CDYL2: variants seen among roughly 807,000 people sequenced by gnomAD.
CDYL2 encodes chromodomain Y-like protein 2.
CDYL2 carries 23 observed loss-of-function variants against 49.4 expected under a neutral mutation model. The observed-to-expected ratio is 0.47, with a 90% CI of 0.34 to 0.66. The LOEUF (loss-of-function observed/expected upper bound fraction) is 0.66. CDYL2 is among the 30% of genes least tolerant of loss of function. The pLI is 0.01. For synonymous variants in CDYL2, 360 were observed against 268.8 expected, an observed-to-expected ratio of 1.34 and a Z score of -3.32; for missense variants, 678 against 656.4, an observed-to-expected ratio of 1.03 and a Z score of -0.36.
In CDYL2 at chr16:80,685,821, C is replaced by G. The variant is rs376766842; in HGVS notation, c.25-692G>C. 2.6e-3 allele frequency among the ~76,000 whole-genome samples: 394 copies of G among 152,298 alleles called. 1 individual carries two copies. Among genetic ancestry groups the G allele is most frequent in the African/African-American group, 9.1e-3 (378 of 41,550 alleles). On this transcript the variant is annotated intron_variant, in intron 1 of 6. Coordinates refer to ENST00000570137, the MANE Select transcript of CDYL2 (RefSeq NM_152342.4). ...GAACTGGGGTTTGAACCACTCTCAC[C>G]TCAGACTTATTCTCTTACTCACTAG...
In CDYL2 at chr16:80,612,717, T is replaced by C. The variant is rs1481627142; in HGVS notation, c.1127A>G (p.Lys376Arg). Residue 376 changes from lysine (K) to arginine (R), a missense_variant, in exon 5 of 7, where the codon AAG becomes AGG. Physicochemically the swap from Lys to Arg is conservative, Grantham distance 26. Coordinates refer to ENST00000570137, the MANE Select transcript of CDYL2 (RefSeq NM_152342.4). This position sits in a 1 kb window ranked among gnomAD's most constrained non-coding sequence, Gnocchi z 5.0. ...PLCDIVWASE[K>R]AWFQTPYATI... The stretch of plus-strand genomic sequence containing the variant: ...GGCGTAGGGCGTCTGGAACCAGGCC[T>C]TCTCACTGGCCCACACGATGTCACA... 3.0e-5 allele frequency: 49 copies of C among 1,613,404 alleles called. No homozygotes were observed. Among genetic ancestry groups the C allele is most frequent in the Non-Finnish European group, 4.2e-5 (49 of 1,179,954 alleles).
chr16:80,768,151 A>G (rs13337161), intron 1 of CDYL2, among the ~76,000 whole-genome samples: 50,268 of 152,026 alleles, frequency 0.33, 10,287 homozygotes, highest in African/African-American at 0.58. Context: ...TTCACAGCCC[A>G]TGTTCTTAGT....
intron 1 of CDYL2, among the ~76,000 whole-genome samples, chr16:80,753,260 TA>T (rs548372995): frequency 0.051 from 7,079 of 139,844 alleles, 440 homozygotes; most frequent in African/African-American, 0.15. Context: ...ATTCCCAACT[TA>T]AAAAAAAAAA....
intron 2 of CDYL2, among the ~76,000 whole-genome samples, chr16:80,675,750 G>C (rs1909718347): frequency 6.6e-6 from 1 of 151,938 alleles, no homozygotes; most frequent in South Asian, 2.1e-4. Flanking sequence ...ACCGACATTA[G>C]GAGGTGAAGT....
intron 2 of CDYL2, among the ~76,000 whole-genome samples, chr16:80,680,209 C>T (rs574123620): frequency 7.9e-5 from 12 of 152,108 alleles, no homozygotes; most frequent in Non-Finnish European, 1.6e-4. Flanking sequence ...TGGAATGACT[C>T]GTTCAATGGT....
intron 3 of CDYL2, among the ~76,000 whole-genome samples, chr16:80,628,993 C>T (rs1907429256): frequency 6.6e-6 from 1 of 152,088 alleles, no homozygotes; most frequent in Non-Finnish European, 1.5e-5. Flanking sequence ...CCGTTCCAGT[C>T]AGAGCACATA....
intron 1 of CDYL2, among the ~76,000 whole-genome samples, chr16:80,774,542 T>A (rs568331693): frequency 6.6e-6 from 1 of 152,210 alleles, no homozygotes; most frequent in Non-Finnish European, 1.5e-5. Context: ...CTAAAATAGA[T>A]CTTTAATGTT....
chr16:80,605,227 T>C (rs1906277066), intron 6 of CDYL2, among the ~76,000 whole-genome samples: 1 of 151,440 alleles, frequency 6.6e-6, no homozygotes, highest in African/African-American at 2.4e-5. Context: ...TGATCTATGA[T>C]TATTCATTAC....
chr16:80,612,683 G>A lies in CDYL2; in HGVS notation c.1161C>T (p.Arg387=), dbSNP rs1217623235. The A allele has an allele frequency of 6.2e-7, 1 of 1,613,154 alleles. No homozygotes were observed. The highest frequency in any genetic ancestry group is 1.3e-5 in the African/African-American group (1 of 74,892). ...AWFQTPYATI[R]LTPAGCSSYT... ...AGGAGGAGCAGCCAGCAGGCGTGAG[G>A]CGGATGGTGGCGTAGGGCGTCTGGA... is the stretch of plus-strand genomic sequence containing the variant. The change falls in exon 5 of 7, where the codon CGC becomes CGT. Residue 387 remains arginine (R), a synonymous_variant. Coordinates refer to ENST00000570137, the MANE Select transcript of CDYL2 (RefSeq NM_152342.4). This position sits in a 1 kb window ranked among gnomAD's most constrained non-coding sequence, Gnocchi z 5.0.
chr16:80,760,430 G>A (rs1401840517), intron 1 of CDYL2, among the ~76,000 whole-genome samples: 6 of 152,148 alleles, frequency 3.9e-5, no homozygotes, highest in Admixed American at 3.9e-4. Context: ...AAGCACAACA[G>A]GGTGACTATA....
intron 1 of CDYL2, among the ~76,000 whole-genome samples, chr16:80,798,431 T>C (rs1169146473): frequency 1.3e-5 from 2 of 151,796 alleles, no homozygotes; most frequent in African/African-American, 4.8e-5. Flanking sequence ...CTCCTCCTCC[T>C]CAGTCTACAC....
At chr16:80,676,400 C>G (rs1269765119) in intron 2 of CDYL2, among the ~76,000 whole-genome samples, 1 of 152,110 alleles carries the variant, frequency 6.6e-6, no homozygotes, top group Non-Finnish European at 1.5e-5. Context: ...ACATGGATAC[C>G]TGTGCTGACA....
At position 80,696,547 on chromosome 16, in the gene CDYL2, C is replaced by T. The variant is rs149988444; in HGVS notation, c.25-11418G>A. ...CATTACAACTGATATTATCGAAATA[C>T]AAAAAATTCTTAGAGACTGTTACAA... On this transcript the variant is annotated intron_variant, in intron 1 of 6. Coordinates refer to ENST00000570137, the MANE Select transcript of CDYL2 (RefSeq NM_152342.4). 4.2e-3 allele frequency among the ~76,000 whole-genome samples: 637 copies of T among 151,680 alleles called. 2 individuals are homozygous for T. The highest frequency in any genetic ancestry group is 0.014 in the African/African-American group (597 of 41,426).
chr16:80,619,564 C>T (rs906165325), intron 4 of CDYL2, among the ~76,000 whole-genome samples: 6 of 152,170 alleles, frequency 3.9e-5, no homozygotes, highest in South Asian at 2.1e-4. Context: ...GAGAGAAGCA[C>T]GCTGGAAATC....
intron 1 of CDYL2, among the ~76,000 whole-genome samples, chr16:80,689,315 T>C (rs1275118307): frequency 6.6e-6 from 1 of 152,216 alleles, no homozygotes; most frequent in Non-Finnish European, 1.5e-5. Flanking sequence ...GATGGCTGTC[T>C]CAGTAGGATT....
At chr16:80,703,148 A>C (rs1030858482) in intron 1 of CDYL2, among the ~76,000 whole-genome samples, 2 of 152,228 alleles carry the variant, frequency 1.3e-5, no homozygotes, top group African/African-American at 4.8e-5. Flanking sequence ...ACACCTGGGC[A>C]AAAAGAGAGG....
chr16:80,625,701 T>C (rs372788367), intron 3 of CDYL2, among the ~76,000 whole-genome samples: 1 of 152,100 alleles, frequency 6.6e-6, no homozygotes, highest in Non-Finnish European at 1.5e-5. Context: ...AAACCTTAAA[T>C]ACATCCAGAG....
chr16:80,793,048 C>G (rs986018277), intron 1 of CDYL2, among the ~76,000 whole-genome samples: 7 of 152,220 alleles, frequency 4.6e-5, no homozygotes, highest in Non-Finnish European at 8.8e-5. Context: ...CTGCTTTCCA[C>G]ATTTCCTTAC....
chr16:80,720,210 T>G (rs1275482037), intron 1 of CDYL2, among the ~76,000 whole-genome samples: 1 of 152,110 alleles, frequency 6.6e-6, no homozygotes. Flanking sequence ...CTTCTTCCAG[T>G]TCCCCTCATG....
Sources: allele counts gnomAD v4.1 joint callset (sites outside exome capture counted in the v4.1 genomes callset), GRCh38; gene constraint gnomAD v4.1.1; non-coding constraint Gnocchi (gnomAD v3.1); transcripts MANE v1.5; gene names NCBI Gene and HGNC (gene_info 2026-07-23, HGNC 2026-07-21).